TIMP2: variants seen among roughly 807,000 people sequenced by gnomAD.
TIMP2 encodes TIMP metallopeptidase inhibitor 2.
In TIMP2, 5 loss-of-function variants were observed where a neutral mutation model predicts 24.3. The observed-to-expected ratio is 0.21, with a 90% CI of 0.11 to 0.43. TIMP2 has a LOEUF of 0.43. Ranked by LOEUF, TIMP2 falls within the 20% of genes least tolerant of loss-of-function variation. The probability of loss-of-function intolerance (pLI) is 1.00; values close to 1 mark genes in which losing one functional copy is unlikely to be tolerated. For synonymous variants in TIMP2, 130 were observed against 123.2 expected, an observed-to-expected ratio of 1.06 and a Z score of -0.37; for missense variants, 221 against 297.5, an observed-to-expected ratio of 0.74 and a Z score of 1.89.
At chr17:78,888,657 C>T (rs1007195725) in intron 1 of TIMP2, among the ~76,000 whole-genome samples, 12 of 152,048 alleles carry the variant, frequency 7.9e-5, no homozygotes, top group Admixed American at 3.3e-4. Flanking sequence ...CCCCATGTTG[C>T]CCACGCTGGT....
Position 78,854,926 on chromosome 17 carries a change from G to A in TIMP2, c.*741C>T, listed in dbSNP as rs1478756695. 2 of 128,734 alleles carry A rather than the reference G, an allele frequency of 1.6e-5. No homozygotes were observed. Among genetic ancestry groups the A allele is most frequent in the Admixed American group, 1.5e-4 (2 of 12,930 alleles). The allele number at this position is 128,734 out of a possible 1,614,324, so 8.0% of individuals were successfully genotyped here. On this transcript the variant is annotated 3_prime_UTR_variant, in exon 5 of 5. Coordinates refer to ENST00000262768, the MANE Select transcript of TIMP2 (RefSeq NM_003255.5). The stretch of plus-strand genomic sequence containing the variant: ...CAAGCTGGGGAGCATGTGGGCGGGG[G>A]GGGGGGGGTGGGGGGGTGGGTGCAG...
chr17:78,861,151 A>C (rs929952902), intron 3 of TIMP2, among the ~76,000 whole-genome samples: 1 of 152,138 alleles, frequency 6.6e-6, no homozygotes, highest in African/African-American at 2.4e-5. Context: ...AAAGGAACCC[A>C]TTCCTGTATC....
intron 1 of TIMP2, among the ~76,000 whole-genome samples, chr17:78,880,002 C>T (rs192477090): frequency 6.6e-6 from 1 of 152,158 alleles, no homozygotes; most frequent in Non-Finnish European, 1.5e-5. Flanking sequence ...ACAGTCACAA[C>T]CGCCCCTGGA....
chr17:78,892,407 G>A (rs2069915426), intron 1 of TIMP2: 1 of 1,550,426 alleles, frequency 6.4e-7, no homozygotes. Context: ...GAGGGTTCAA[G>A]GGGCGCCCCC....
intron 1 of TIMP2, among the ~76,000 whole-genome samples, chr17:78,908,298 T>C (rs901089078): frequency 6.6e-5 from 10 of 152,158 alleles, no homozygotes; most frequent in Non-Finnish European, 1.2e-4. Context: ...AATACTTCCA[T>C]GTGTCCTAAA....
rs2070001810 is a variant in TIMP2 at position 78,896,490 on chromosome 17, C to A, written c.131-22571G>T. 1.3e-5 allele frequency among the ~76,000 whole-genome samples: 2 copies of A among 152,178 alleles called. No homozygotes were observed. Among genetic ancestry groups the A allele is most frequent in the Admixed American group, 1.3e-4 (2 of 15,284 alleles). ...CGCTACAGCTCCCCTCCCAGAGGCACCTGCCCTCTCTGGTTGCTTAGAATA... is the reference window on the plus strand; with the variant it reads ...CGCTACAGCTCCCCTCCCAGAGGCAACTGCCCTCTCTGGTTGCTTAGAATA... On this transcript the variant is annotated intron_variant, in intron 1 of 4. Coordinates refer to ENST00000262768, the MANE Select transcript of TIMP2 (RefSeq NM_003255.5). This position sits in a 1 kb window ranked among gnomAD's most constrained non-coding sequence, Gnocchi z 4.4.
At position 78,925,314 on chromosome 17, in the gene TIMP2, G is replaced by A. The variant is rs2070343091; in HGVS notation, c.-226C>T. 1 of 150,082 alleles carries A rather than the reference G, an allele frequency of 6.7e-6. No homozygotes were observed. Among genetic ancestry groups the A allele is most frequent in the African/African-American group, 2.4e-5 (1 of 40,894 alleles). 9.3% of individuals were successfully genotyped at this position (150,082 alleles called of 1,614,324 possible). A position where few individuals can be genotyped will look rare whatever the true frequency, so the allele number is the denominator to read the frequency against. The stretch of plus-strand genomic sequence containing the variant: ...GGGGCGCAATTCGCCGGGCGGGGCG[G>A]CGGGGTGGGGGGCGGCGGGCGAGCG... On this transcript the variant is annotated 5_prime_UTR_variant, in exon 1 of 5. Transcript: ENST00000262768.
Position 78,866,144 on chromosome 17 carries a change from G to T in TIMP2, c.340+4754C>A, listed in dbSNP as rs534891989. On this transcript the variant is annotated intron_variant, in intron 3 of 4. Coordinates refer to ENST00000262768, the MANE Select transcript of TIMP2 (RefSeq NM_003255.5). ...AATTTTAAAGGTTTAATACAGGAAAGAACTGAAAAGGAGACACAGCAGATG... is the reference window on the plus strand; with the variant it reads ...AATTTTAAAGGTTTAATACAGGAAATAACTGAAAAGGAGACACAGCAGATG... 7.2e-4 allele frequency among the ~76,000 whole-genome samples: 110 copies of T among 152,286 alleles called. No individual in the cohort carries two copies. The Middle Eastern group carries it at 0.027, about 38-fold the overall frequency.
rs1199364481 is a variant in TIMP2 at position 78,855,299 on chromosome 17, C to T, written c.*368G>A. On this transcript the variant is annotated 3_prime_UTR_variant, in exon 5 of 5. Coordinates refer to ENST00000262768, the MANE Select transcript of TIMP2 (RefSeq NM_003255.5). The surrounding 1 kb of genome is among the most constrained non-coding windows in gnomAD (Gnocchi z 6.0). The stretch of plus-strand genomic sequence containing the variant: ...CCCTCAAAAGTTTCTGCAAAATGCA[C>T]ATTTCCAGGCCCTGCCCTAACCCAG... 3.2e-6 allele frequency: 1 copy of T among 310,212 alleles called. No homozygotes were observed. The highest frequency in any genetic ancestry group is 6.2e-6 in the Non-Finnish European group (1 of 160,742). 19.2% of individuals were successfully genotyped at this position (310,212 alleles called of 1,614,324 possible).
chr17:78,855,966 G>C lies in TIMP2; in HGVS notation c.466-102C>G. The C allele has an allele frequency of 1.7e-6, 2 of 1,205,494 alleles. No individual in the cohort carries two copies. Among genetic ancestry groups the C allele is most frequent in the Non-Finnish European group, 2.4e-6 (2 of 830,188 alleles). The allele number at this position is 1,205,494 out of a possible 1,614,324, so 74.7% of individuals were successfully genotyped here. On this transcript the variant is annotated intron_variant, in intron 4 of 4. Transcript: ENST00000262768. This position sits in a 1 kb window ranked among gnomAD's most constrained non-coding sequence, Gnocchi z 6.0. ...CCAGAACCCGGCAATGTGCCTACCTGTCATGTGCAGGGATGGCAGCCTCTC... is the reference window on the plus strand; with the variant it reads ...CCAGAACCCGGCAATGTGCCTACCTCTCATGTGCAGGGATGGCAGCCTCTC...
intron 3 of TIMP2, among the ~76,000 whole-genome samples, chr17:78,868,909 G>A (rs1419408101): frequency 3.3e-5 from 5 of 152,106 alleles, no homozygotes; most frequent in Admixed American, 1.3e-4. Flanking sequence ...GAGACCCCGC[G>A]ACTGGAGCGG....
chr17:78,925,158 T>TGGGGGCGCGGGCG lies in TIMP2; in HGVS notation c.-83_-71dup, dbSNP rs1224317845. ...CCGGGCGCTGCTCGCGGCGGCGGGC[T>TGGGGGCGCGGGCG]GGGGGCGCGGGCGGGGGCTGAGCCG... On this transcript the variant is annotated 5_prime_UTR_variant, in exon 1 of 5. Transcript: ENST00000262768. The TGGGGGCGCGGGCG allele has an allele frequency of 9.6e-5, 51 of 530,016 alleles. No individual in the cohort carries two copies. Among genetic ancestry groups the TGGGGGCGCGGGCG allele is most frequent in the African/African-American group, 1.1e-4 (4 of 36,600 alleles). The allele number at this position is 530,016 out of a possible 1,614,324, so 32.8% of individuals were successfully genotyped here. A position where few individuals can be genotyped will look rare whatever the true frequency, so the allele number is the denominator to read the frequency against.
chr17:78,867,551 T>C (rs2069627716), intron 3 of TIMP2, among the ~76,000 whole-genome samples: 1 of 151,650 alleles, frequency 6.6e-6, no homozygotes, highest in Non-Finnish European at 1.5e-5. Flanking sequence ...CAAGTCTGTC[T>C]AGACCCTTGG....
At chr17:78,864,300 G>GCCTCTCTC (rs1308667861) in intron 3 of TIMP2, among the ~76,000 whole-genome samples, 1 of 145,258 alleles carries the variant, frequency 6.9e-6, no homozygotes, top group Non-Finnish European at 1.5e-5. Flanking sequence ...TTTCTTCCCT[G>GCCTCTCTC]CCTCTCTCCC....
At chr17:78,889,281 G>T (rs1275055868) in intron 1 of TIMP2, among the ~76,000 whole-genome samples, 1 of 152,224 alleles carries the variant, frequency 6.6e-6, no homozygotes, top group African/African-American at 2.4e-5. Flanking sequence ...CATGGCTCTG[G>T]TGGATGCCAG....
chr17:78,912,976 G>A (rs774522564), intron 1 of TIMP2, among the ~76,000 whole-genome samples: 3 of 152,074 alleles, frequency 2.0e-5, no homozygotes, highest in Non-Finnish European at 4.4e-5. Context: ...AGGCCGAGGC[G>A]GGCAGATCAC....
At chr17:78,883,732 GCTC>G (rs1485321798) in intron 1 of TIMP2, among the ~76,000 whole-genome samples, 1 of 152,040 alleles carries the variant, frequency 6.6e-6, no homozygotes, top group Non-Finnish European at 1.5e-5. Flanking sequence ...ATTCGTTTTG[GCTC>G]CTCTTGGGAA....
At position 78,920,456 on chromosome 17, in the gene TIMP2, C is replaced by T. The variant is rs190381499; in HGVS notation, c.130+4503G>A. Among the ~76,000 whole-genome samples, 232 of 152,248 alleles carry T rather than the reference C, an allele frequency of 1.5e-3. No individual in the cohort carries two copies. The highest frequency in any genetic ancestry group is 5.3e-3 in the African/African-American group (222 of 41,546). ...CGTGTGTTGTCCAGAGAGCTCCTTC[C>T]AGCACCTGCCATACCTCCAGGCTGT... On this transcript the variant is annotated intron_variant, in intron 1 of 4. Coordinates refer to ENST00000262768, the MANE Select transcript of TIMP2 (RefSeq NM_003255.5). The surrounding 1 kb of genome is among the most constrained non-coding windows in gnomAD (Gnocchi z 4.5).
At chr17:78,872,023 T>A (rs1182436148) in intron 2 of TIMP2, among the ~76,000 whole-genome samples, 1 of 151,980 alleles carries the variant, frequency 6.6e-6, no homozygotes, top group Non-Finnish European at 1.5e-5. Context: ...GAATTTTTTA[T>A]TTTTTTGAGA....
Sources: gnomAD v4.1 joint callset for allele counts (sites outside exome capture counted in the v4.1 genomes callset) on GRCh38, gnomAD v4.1.1 for gene constraint, Gnocchi (gnomAD v3.1) non-coding constraint, MANE v1.5 for transcripts, NCBI Gene and HGNC (gene_info 2026-07-23, HGNC 2026-07-21) for gene names.